Variants in WWOX observed in about 807,000 individuals in gnomAD.
WWOX encodes WW domain-containing oxidoreductase.
In WWOX, 69 loss-of-function variants were observed where a neutral mutation model predicts 46.2. The ratio of observed to expected loss-of-function variants is 1.49; its 90% CI spans 1.23 to 1.82. The LOEUF (loss-of-function observed/expected upper bound fraction) is 1.82, where lower values mean the gene tolerates loss of function less well. Among genes scored for constraint, WWOX ranks in the 40% most tolerant of loss-of-function variants. The probability of loss-of-function intolerance (pLI) is 0.00; values close to 1 mark genes in which losing one functional copy is unlikely to be tolerated. For synonymous variants in WWOX, 359 were observed against 202.6 expected, an observed-to-expected ratio of 1.77 and a Z score of -6.56; for missense variants, 919 against 542.6, an observed-to-expected ratio of 1.69 and a Z score of -6.89.
At chr16:78,452,377 A>G (rs755018471) in intron 8 of WWOX, among the ~76,000 whole-genome samples, 14 of 152,112 alleles carry the variant, frequency 9.2e-5, no homozygotes, top group Non-Finnish European at 1.9e-4. Context: ...ACCAGATGGC[A>G]GATCTTTTAA....
At chr16:78,725,232 G>A (rs1043380250) in intron 8 of WWOX, among the ~76,000 whole-genome samples, 1 of 151,276 alleles carries the variant, frequency 6.6e-6, no homozygotes, top group Non-Finnish European at 1.5e-5. Flanking sequence ...CACTATGATT[G>A]TGAGGTCTCC....
intron 8 of WWOX, among the ~76,000 whole-genome samples, chr16:78,795,965 C>G (rs1057066449): frequency 6.6e-6 from 1 of 152,238 alleles, no homozygotes; most frequent in Admixed American, 6.5e-5. Context: ...CAGATGATGT[C>G]TAAGATAAGG....
At chr16:78,791,417 C>G (rs1021397508) in intron 8 of WWOX, among the ~76,000 whole-genome samples, 1 of 152,160 alleles carries the variant, frequency 6.6e-6, no homozygotes, top group African/African-American at 2.4e-5. Flanking sequence ...CATCATTCAT[C>G]TCCTGAAACG....
intron 8 of WWOX, among the ~76,000 whole-genome samples, chr16:78,455,036 C>T (rs149536766): frequency 2.2e-4 from 34 of 152,280 alleles, no homozygotes; most frequent in African/African-American, 6.5e-4. Context: ...GTTCTCTTGG[C>T]TCTATGGGTG....
intron 6 of WWOX, among the ~76,000 whole-genome samples, chr16:78,392,027 T>C (rs911022018): frequency 6.6e-6 from 1 of 151,676 alleles, no homozygotes; most frequent in Non-Finnish European, 1.5e-5. Flanking sequence ...AAATTTCTTT[T>C]AATGCAACAG....
rs905839695 is a variant in WWOX at position 78,192,262 on chromosome 16, A to G, written c.516+27973A>G. The stretch of plus-strand genomic sequence containing the variant: ...GTAATCCCAGCACTTTGGGATGCTG[A>G]CGCGGGTGGATCACATGAGGTCAGG... On this transcript the variant is annotated intron_variant, in intron 5 of 8. Transcript: ENST00000566780. Among the ~76,000 whole-genome samples, 6 of 152,164 alleles carry G rather than the reference A, an allele frequency of 3.9e-5. No individual in the cohort carries two copies. In the South Asian group the frequency reaches 1.0e-3, roughly 26 times the overall value.
intron 8 of WWOX, among the ~76,000 whole-genome samples, chr16:78,574,724 C>A (rs930334372): frequency 2.0e-5 from 3 of 151,352 alleles, no homozygotes; most frequent in East Asian, 4.0e-4. Context: ...TATGATCTGA[C>A]TAACAATGTG....
rs543250892 is a variant in WWOX, at chr16:78,717,471, T to G, written c.1056+284719T>G. Among the ~76,000 whole-genome samples, 275 of 152,322 alleles carry G rather than the reference T, an allele frequency of 1.8e-3. 1 individual carries two copies. Among genetic ancestry groups the G allele is most frequent in the Middle Eastern group, 0.014 (4 of 294 alleles). On this transcript the variant is annotated intron_variant, in intron 8 of 8. Transcript: ENST00000566780. Reference sequence around the variant, plus strand: ...CCTTTTGAACAGTGGTGCTTGGCTTTTGGTAGGTGGTCAACAAATGTGTAT... The same window carrying G: ...CCTTTTGAACAGTGGTGCTTGGCTTGTGGTAGGTGGTCAACAAATGTGTAT...
intron 8 of WWOX, chr16:78,506,413 A>T (rs1401543083): frequency 6.6e-6 from 1 of 152,346 alleles, no homozygotes; most frequent in East Asian, 1.9e-4. Context: ...AAAACGAAAG[A>T]GAGCCTGAGC....
intron 8 of WWOX, among the ~76,000 whole-genome samples, chr16:78,599,550 C>T (rs1018952807): frequency 6.6e-6 from 1 of 152,206 alleles, no homozygotes; most frequent in African/African-American, 2.4e-5. Flanking sequence ...AGGAGGGCCA[C>T]ATTCCTCTCA....
intron 5 of WWOX, among the ~76,000 whole-genome samples, chr16:78,324,077 C>G (rs2080553098): frequency 6.6e-6 from 1 of 152,010 alleles, no homozygotes; most frequent in Non-Finnish European, 1.5e-5. Flanking sequence ...GTGACTTGTT[C>G]AAGGCTACAG....
At chr16:78,447,966 G>T (rs1467081116) in intron 8 of WWOX, among the ~76,000 whole-genome samples, 1 of 152,068 alleles carries the variant, frequency 6.6e-6, no homozygotes, top group Non-Finnish European at 1.5e-5. Context: ...ACTACATCCA[G>T]CTGACTTTTG....
At chr16:78,493,556 T>C (rs1262040082) in intron 8 of WWOX, among the ~76,000 whole-genome samples, 1 of 152,160 alleles carries the variant, frequency 6.6e-6, no homozygotes, top group Non-Finnish European at 1.5e-5. Context: ...ATCTTTGGGG[T>C]GTTTAAGGAG....
chr16:78,606,437 T>A (rs1015456979), intron 8 of WWOX, among the ~76,000 whole-genome samples: 1 of 151,876 alleles, frequency 6.6e-6, no homozygotes, highest in African/African-American at 2.4e-5. Context: ...CAGAAGTTGA[T>A]GACCAAGAGA....
intron 4 of WWOX, among the ~76,000 whole-genome samples, chr16:78,120,734 T>C (rs1044693620): frequency 3.9e-5 from 6 of 152,214 alleles, no homozygotes; most frequent in Admixed American, 3.9e-4. Context: ...GTAGTTGCCA[T>C]ACTCTTTGAT....
chr16:78,721,346 A>G (rs2142353152), intron 8 of WWOX, among the ~76,000 whole-genome samples: 1 of 152,162 alleles, frequency 6.6e-6, no homozygotes, highest in Admixed American at 6.5e-5. Context: ...TACCATTTAC[A>G]TTTACTGTTT....
intron 8 of WWOX, among the ~76,000 whole-genome samples, chr16:79,131,410 G>GA (rs999760147): frequency 1.5e-4 from 23 of 151,776 alleles, no homozygotes; most frequent in African/African-American, 4.8e-4. Context: ...GATTCGGAGG[G>GA]AAAAAAAATG....
At chr16:78,915,707 A>T (rs2045233945) in intron 8 of WWOX, among the ~76,000 whole-genome samples, 1 of 151,794 alleles carries the variant, frequency 6.6e-6, no homozygotes, top group Non-Finnish European at 1.5e-5. Context: ...TTAAAAAAAA[A>T]ATTGCACCAG....
At chr16:78,235,308 G>GTGTC (rs1301813034) in intron 5 of WWOX, among the ~76,000 whole-genome samples, 7 of 152,154 alleles carry the variant, frequency 4.6e-5, no homozygotes, top group African/African-American at 1.7e-4. Context: ...TGGAGAGGAT[G>GTGTC]TGTCACTTTG....
Sources: gnomAD v4.1 joint callset for allele counts (sites outside exome capture counted in the v4.1 genomes callset) on GRCh38, gnomAD v4.1.1 for gene constraint, MANE v1.5 for transcripts, NCBI Gene and HGNC (gene_info 2026-07-23, HGNC 2026-07-21) for gene names.